Variants in MAP2 observed in about 807,000 individuals in gnomAD.
MAP2 encodes microtubule-associated protein 2.
Under a neutral mutation model 137.6 loss-of-function variants are expected in MAP2, and 14 were observed. That is an observed-to-expected ratio of 0.10 (90% confidence interval 0.07 to 0.16). The LOEUF (loss-of-function observed/expected upper bound fraction) is 0.16, where lower values mean the gene tolerates loss of function less well. Among genes scored for constraint, MAP2 ranks in the 10% least tolerant of loss-of-function variants. The pLI is 1.00. For synonymous variants in MAP2, 786 were observed against 782.3 expected, an observed-to-expected ratio of 1.00 and a Z score of -0.08; for missense variants, 2,088 against 2,191.5, an observed-to-expected ratio of 0.95 and a Z score of 0.94.
intron 2 of MAP2, among the ~76,000 whole-genome samples, chr2:209,527,784 C>A (rs1366097459): frequency 6.6e-6 from 1 of 152,152 alleles, no homozygotes; most frequent in Admixed American, 6.6e-5. Flanking sequence ...TTGGGCTCCA[C>A]CCCAGACCTA....
At chr2:209,443,157 C>T (rs1044417395) in intron 1 of MAP2, among the ~76,000 whole-genome samples, 6 of 151,314 alleles carry the variant, frequency 4.0e-5, no homozygotes, top group Non-Finnish European at 5.9e-5. Flanking sequence ...TTTTTGGCCT[C>T]AGAAATACCA....
At chr2:209,660,549 A>G (rs112114239) in intron 5 of MAP2, among the ~76,000 whole-genome samples, 1 of 138,942 alleles carries the variant, frequency 7.2e-6, no homozygotes, top group Non-Finnish European at 1.6e-5. Context: ...CCCGCCACCA[A>G]GCCCGGCTAA....
intron 2 of MAP2, among the ~76,000 whole-genome samples, chr2:209,510,287 AT>A (rs1180565907): frequency 6.6e-6 from 1 of 151,920 alleles, no homozygotes; most frequent in African/African-American, 2.4e-5. Flanking sequence ...TGAAAAGGTG[AT>A]TTTTAATGGC....
chr2:209,640,735 A>G (rs1037436085), intron 4 of MAP2, among the ~76,000 whole-genome samples: 2 of 152,080 alleles, frequency 1.3e-5, no homozygotes, highest in Non-Finnish European at 2.9e-5. Context: ...GCACACAACA[A>G]ATGGTATCCT....
chr2:209,502,710 A>G (rs1437007030), intron 1 of MAP2, among the ~76,000 whole-genome samples: 1 of 152,152 alleles, frequency 6.6e-6, no homozygotes, highest in Admixed American at 6.5e-5. Context: ...CATCAACAGT[A>G]TACAGTGTTC....
intron 2 of MAP2, among the ~76,000 whole-genome samples, chr2:209,531,680 AAAT>A (rs2065134063): frequency 6.6e-6 from 1 of 152,208 alleles, no homozygotes; most frequent in South Asian, 2.1e-4. Context: ...TTTGAAATTC[AAAT>A]AATGATGTTT....
intron 1 of MAP2, among the ~76,000 whole-genome samples, chr2:209,425,673 A>G (rs1692362136): frequency 6.6e-6 from 1 of 152,234 alleles, no homozygotes; most frequent in African/African-American, 2.4e-5. Context: ...AAAGCCTTCT[A>G]TGTGAGCCAC....
intron 4 of MAP2, among the ~76,000 whole-genome samples, chr2:209,638,750 T>A (rs1239673561): frequency 1.3e-5 from 2 of 152,194 alleles, no homozygotes; most frequent in African/African-American, 4.8e-5. Context: ...TTTACTGTGT[T>A]ATAATGTATG....
chr2:209,692,587 G>T, intron 7 of MAP2, 38 bp from the exon 8 acceptor site: 1 of 1,520,910 alleles, frequency 6.6e-7, no homozygotes, highest in Non-Finnish European at 8.8e-7. Context: ...GAACGCACTT[G>T]CCTATTATTT....
chr2:209,436,574 A>G (rs1696354105), intron 1 of MAP2, among the ~76,000 whole-genome samples: 1 of 151,790 alleles, frequency 6.6e-6, no homozygotes. Context: ...AATTATAAAA[A>G]CCATACTGTT....
At position 209,601,143 on chromosome 2, in the gene MAP2, G is replaced by A. The variant is rs1298474175; in HGVS notation, c.-107+21043G>A. The stretch of plus-strand genomic sequence containing the variant: ...TGTAAAATACTTAGTCAAGTGCTAG[G>A]CACTTCAACATGGACAATAAATGGT... On this transcript the variant is annotated intron_variant, in intron 3 of 15. Transcript: ENST00000682079. Among the ~76,000 whole-genome samples the A allele has an allele frequency of 2.0e-5, 3 of 152,222 alleles. No individual in the cohort carries two copies. In the East Asian group the frequency reaches 5.8e-4, roughly 29 times the overall value.
intron 2 of MAP2, among the ~76,000 whole-genome samples, chr2:209,550,981 C>G (rs1398173327): frequency 1.3e-5 from 2 of 151,950 alleles, no homozygotes; most frequent in Non-Finnish European, 2.9e-5. Context: ...TCATATCATC[C>G]CAATTTCATT....
chr2:209,587,210 A>G (rs970636645), intron 3 of MAP2, among the ~76,000 whole-genome samples: 1 of 152,000 alleles, frequency 6.6e-6, no homozygotes, highest in Non-Finnish European at 1.5e-5. Flanking sequence ...GAGCTGCTAA[A>G]TTCTCTGTCC....
intron 2 of MAP2, among the ~76,000 whole-genome samples, chr2:209,571,937 A>G (rs16843159): frequency 0.02 from 2,989 of 152,034 alleles, 95 homozygotes; most frequent in African/African-American, 0.068. Context: ...AAAAGCACTG[A>G]TGGAATAAAG....
rs115567640 is a variant in MAP2, at chr2:209,462,764, T to C, written c.-222+38488T>C. Among the ~76,000 whole-genome samples the C allele has an allele frequency of 1.8e-3, 271 of 152,330 alleles. 1 individual carries two copies. The highest frequency in any genetic ancestry group is 6.3e-3 in the African/African-American group (261 of 41,568). On this transcript the variant is annotated intron_variant, in intron 1 of 15. Transcript: ENST00000682079. ...GATGCAAAGGATATAATTGGTTTAG[T>C]ATTTGGTTAGAGTTATGTCTTTGAT...
chr2:209,471,677 G>T (rs1705764797), intron 1 of MAP2, among the ~76,000 whole-genome samples: 1 of 131,468 alleles, frequency 7.6e-6, no homozygotes, highest in Non-Finnish European at 1.6e-5. Context: ...TAAAGAGGAA[G>T]GAACGTGTTC....
intron 2 of MAP2, among the ~76,000 whole-genome samples, chr2:209,534,200 G>A (rs1471127997): frequency 6.6e-6 from 1 of 152,206 alleles, no homozygotes; most frequent in African/African-American, 2.4e-5. Context: ...TTGAGTATGT[G>A]TCCAGCACTG....
chr2:209,596,643 C>T (rs1385790341), intron 3 of MAP2, among the ~76,000 whole-genome samples: 1 of 152,100 alleles, frequency 6.6e-6, no homozygotes, highest in Non-Finnish European at 1.5e-5. Context: ...GCTGAGGCTG[C>T]TTTGTTGCAG....
At chr2:209,489,303 C>A (rs750062713) in intron 1 of MAP2, among the ~76,000 whole-genome samples, 1 of 152,080 alleles carries the variant, frequency 6.6e-6, no homozygotes, top group East Asian at 1.9e-4. Flanking sequence ...ACAGCAAAGA[C>A]CAAAGGTAGA....
Sources: gnomAD v4.1 joint callset for allele counts (sites outside exome capture counted in the v4.1 genomes callset) on GRCh38, gnomAD v4.1.1 for gene constraint, MANE v1.5 for transcripts, NCBI Gene and HGNC (gene_info 2026-07-23, HGNC 2026-07-21) for gene names.